The following NR1D2 variants were observed in gnomAD, a reference collection of about 807,000 sequenced individuals.
NR1D2 encodes the protein nuclear receptor subfamily 1 group D member 2, also known as V-erbA-related protein 1-related.
In NR1D2, 25 loss-of-function variants were observed where a neutral mutation model predicts 52.2. The ratio of observed to expected loss-of-function variants is 0.48; its 90% CI spans 0.35 to 0.67. The LOEUF (loss-of-function observed/expected upper bound fraction) is 0.67. Among genes scored for constraint, NR1D2 ranks in the 30% least tolerant of loss-of-function variants. The pLI, the probability that NR1D2 is intolerant of heterozygous loss-of-function variation, is 0.01. For missense variants in NR1D2, 681 were observed against 707.2 expected (o/e 0.96, Z 0.42); for synonymous variants, 259 against 230.1 (o/e 1.13, Z -1.14).
At position 23,971,301 on chromosome 3, in the gene NR1D2, C is replaced by CCAT. The variant is rs201185985; in HGVS notation, c.1543+3278_1543+3279insCAT. On this transcript the variant is annotated intron_variant, in intron 7 of 7. Coordinates refer to ENST00000312521, the MANE Select transcript of NR1D2 (RefSeq NM_005126.5). The stretch of plus-strand genomic sequence containing the variant: ...GAATATAATGCTTATATCTCTATAC[C>CCAT]TATTTTTTTTTTTTTTTTTTTTGAG... Among the ~76,000 whole-genome samples, 189 of 110,870 alleles carry CCAT rather than the reference C, an allele frequency of 1.7e-3. 34 individuals are homozygous for CCAT. Among genetic ancestry groups the CCAT allele is most frequent in the Admixed American group, 1.6e-3 (15 of 9,134 alleles). The allele number at this position is 110,870 out of a possible 152,430, so 72.7% of individuals were successfully genotyped here.
chr3:23,965,033 C>G lies in NR1D2; in HGVS notation c.1203C>G (p.Ile401Met). The G allele has an allele frequency of 6.2e-7, 1 of 1,613,808 alleles. No homozygotes were observed. Among genetic ancestry groups the G allele is most frequent in the Non-Finnish European group, 8.5e-7 (1 of 1,179,862 alleles). The change falls in exon 6 of 8, where the codon ATC becomes ATG. Residue 401 changes from isoleucine to methionine, a missense_variant. Transcript: ENST00000312521. ...ATCCTCATAAATCAGGACATGAAAT[C>G]TGGGAAGAATTTTCGATGAGCTTCA... ...YVDPHKSGHEIWEEFSMSFTP... is the reference protein window; with the variant it reads ...YVDPHKSGHEMWEEFSMSFTP...
intron 7 of NR1D2, 69 bp downstream of exon 7, chr3:23,968,092 T>G (rs1706498524): frequency 1.6e-6 from 2 of 1,237,096 alleles, no homozygotes; most frequent in African/African-American, 3.0e-5. Context: ...AGATGGCAGT[T>G]AACAGGGTTC....
At position 23,962,540 on chromosome 3, in the gene NR1D2, G is replaced by A. The variant is rs759105289; in HGVS notation, c.1081G>A (p.Asp361Asn). Reference protein sequence around the residue: ...TQRVCDRVPIDGFSQNENKNS... With the variant: ...TQRVCDRVPINGFSQNENKNS... ...AAGAGTATGTGATAGAGTTCCGATAGATGGATTTTCTCAGAATGAGAACAA... is the reference window on the plus strand; with the variant it reads ...AAGAGTATGTGATAGAGTTCCGATAAATGGATTTTCTCAGAATGAGAACAA... The change falls in exon 5 of 8, where the codon GAT (aspartate) becomes AAT (asparagine). Residue 361 changes from aspartate (D) to asparagine (N), a missense_variant. By Grantham distance (23) the Asp-to-Asn change is conservative. Transcript: ENST00000312521. 2.6e-5 allele frequency: 42 copies of A among 1,613,588 alleles called. No individual in the cohort carries two copies. The highest frequency in any genetic ancestry group is 3.5e-5 in the Non-Finnish European group (41 of 1,179,670).
chr3:23,954,666 C>G lies in NR1D2; in HGVS notation c.146C>G (p.Ser49Cys). The G allele has an allele frequency of 6.2e-7, 1 of 1,614,126 alleles. No individual in the cohort carries two copies. The highest frequency in any genetic ancestry group is 8.5e-7 in the Non-Finnish European group (1 of 1,180,000). ...SVPSSPNSSN[S>C]DTNGNPKNGD... Reference sequence around the variant, plus strand: ...CCATCTTCTCCAAATAGCTCTAATTCTGATACCAATGGTAATCCCAAGAAT... The same window carrying G: ...CCATCTTCTCCAAATAGCTCTAATTGTGATACCAATGGTAATCCCAAGAAT... Residue 49 changes from serine to cysteine, a missense_variant, in exon 2 of 8, where the codon TCT becomes TGT. By Grantham distance (112) the Ser-to-Cys change is moderately radical. Coordinates refer to ENST00000312521, the MANE Select transcript of NR1D2 (RefSeq NM_005126.5).
rs369955272 is a variant in NR1D2 at position 23,945,511 on chromosome 3, A to AGGCGGCGGC, written c.-60_-52dup. On this transcript the variant is annotated 5_prime_UTR_variant, in exon 1 of 8. Transcript: ENST00000312521. ...TCCAGCCCGGGGCGGCGCGGCGCTG[A>AGGCGGCGGC]GGCGGCGGCGGCGGCGCTGCCCCCT... The AGGCGGCGGC allele has an allele frequency of 2.8e-5, 26 of 931,950 alleles. No individual in the cohort carries two copies. The highest frequency in any genetic ancestry group is 3.3e-5 in the Non-Finnish European group (25 of 748,262). 57.7% of individuals were successfully genotyped at this position (931,950 alleles called of 1,614,324 possible). A position where few individuals can be genotyped will look rare whatever the true frequency, so the allele number is the denominator to read the frequency against.
intron 7 of NR1D2, among the ~76,000 whole-genome samples, chr3:23,971,706 C>CTTTAG (rs1706595527): frequency 1.0e-4 from 1 of 9,964 alleles, no homozygotes; most frequent in South Asian, 5.0e-3. Context: ...AGTTTTTGAC[C>CTTTAG]TTATACATAA....
chr3:23,971,673 G>C (rs1051980833), intron 7 of NR1D2, among the ~76,000 whole-genome samples: 1 of 148,860 alleles, frequency 6.7e-6, no homozygotes, highest in South Asian at 2.2e-4. Context: ...TAATGGTTTT[G>C]TTGGTAATTT....
rs181817213 is a variant in NR1D2, at chr3:23,976,985, A to G, written c.1544-238A>G. ...ATGTTCTTGTGAATAAAAATTCTTAACAGTAAAGAATTTTGATTGATCAAA... is the reference window on the plus strand; with the variant it reads ...ATGTTCTTGTGAATAAAAATTCTTAGCAGTAAAGAATTTTGATTGATCAAA... On this transcript the variant is annotated intron_variant, in intron 7 of 7. Transcript: ENST00000312521. Among the ~76,000 whole-genome samples, 931 of 141,916 alleles carry G rather than the reference A, an allele frequency of 6.6e-3. 7 individuals are homozygous for G. Among genetic ancestry groups the G allele is most frequent in the Non-Finnish European group, 8.3e-3 (546 of 65,532 alleles). 93.1% of individuals were successfully genotyped at this position (141,916 alleles called of 152,430 possible). A position where few individuals can be genotyped will look rare whatever the true frequency, so the allele number is the denominator to read the frequency against.
At chr3:23,971,763 G>T (rs1266264864) in intron 7 of NR1D2, among the ~76,000 whole-genome samples, 2 of 140,650 alleles carry the variant, frequency 1.4e-5, no homozygotes, top group Non-Finnish European at 3.1e-5. Flanking sequence ...TTCAAAGACA[G>T]TTTTTTCTTT....
chr3:23,945,532 C>A lies in NR1D2; in HGVS notation c.-47C>A. 1 of 1,074,056 alleles carries A rather than the reference C, an allele frequency of 9.3e-7. No homozygotes were observed. The highest frequency in any genetic ancestry group is 4.5e-5 in the East Asian group (1 of 22,334). The allele number at this position is 1,074,056 out of a possible 1,614,324, so 66.5% of individuals were successfully genotyped here. ...GCTGAGGCGGCGGCGGCGGCGCTGC[C>A]CCCTCTGCGGGAAGCGGGCGGCCCC... is the stretch of plus-strand genomic sequence containing the variant. On this transcript the variant is annotated 5_prime_UTR_variant, in exon 1 of 8. Transcript: ENST00000312521.
In NR1D2 at chr3:23,978,183, C is replaced by T. The variant is rs1200909349; in HGVS notation, c.*764C>T. 6.6e-6 allele frequency: 1 copy of T among 152,128 alleles called. No homozygotes were observed. The highest frequency in any genetic ancestry group is 1.5e-5 in the Non-Finnish European group (1 of 68,028). The allele number at this position is 152,128 out of a possible 1,614,324, so 9.4% of individuals were successfully genotyped here. On this transcript the variant is annotated 3_prime_UTR_variant, in exon 8 of 8. Transcript: ENST00000312521. ...ATATGTGTGGGGTATCCTACTGATA[C>T]ACACGTATTCAAAGTTTATGGGTAC... is the stretch of plus-strand genomic sequence containing the variant.
At chr3:23,946,049 G>A (rs969798533) in intron 1 of NR1D2, 14 of 964,546 alleles carry the variant, frequency 1.5e-5, no homozygotes, top group Non-Finnish European at 1.7e-5. Flanking sequence ...GCGCGCGCTG[G>A]CTGGGAGCGC....
In NR1D2 at chr3:23,963,275, A is replaced by T. The variant is rs551290781; in HGVS notation, c.1146+670A>T. 31 of 1,351,814 alleles carry T rather than the reference A, an allele frequency of 2.3e-5. No individual in the cohort carries two copies. The South Asian group carries it at 2.8e-4, about 12-fold the overall frequency. 83.7% of individuals were successfully genotyped at this position (1,351,814 alleles called of 1,614,324 possible). A position where few individuals can be genotyped will look rare whatever the true frequency, so the allele number is the denominator to read the frequency against. On this transcript the variant is annotated intron_variant, in intron 5 of 7. Transcript: ENST00000312521. ...TCACCAAAAACAGCAGTACCACACC[A>T]TTTCCAGTTTAAACCATGAAGTCCT... is the stretch of plus-strand genomic sequence containing the variant.
chr3:23,962,184 C>T lies in NR1D2; in HGVS notation c.725C>T (p.Ser242Phe), dbSNP rs761524333. 1.5e-4 allele frequency: 248 copies of T among 1,613,928 alleles called. No homozygotes were observed. The highest frequency in any genetic ancestry group is 2.0e-4 in the Non-Finnish European group (240 of 1,179,932). The change falls in exon 5 of 8, where the codon TCT (serine) becomes TTT (phenylalanine). Residue 242 changes from serine (S) to phenylalanine (F), a missense_variant. This residue lies in a region of NR1D2 where 475 missense variants were observed against 454.5 expected (regional missense o/e 1.05). Transcript: ENST00000312521. ...QLEQENIKSS[S>F]PPSSDFAKEE... is the part of the protein sequence containing the mutation. ...GAGCAAGAAAACATCAAAAGCTCTT[C>T]TCCTCCATCTTCTGATTTTGCAAAG...
chr3:23,954,124 CT>C (rs1706019454), intron 1 of NR1D2, among the ~76,000 whole-genome samples: 1 of 152,230 alleles, frequency 6.6e-6, no homozygotes, highest in Non-Finnish European at 1.5e-5. Flanking sequence ...CTTTAGCCTT[CT>C]GAATAGCTGG....
chr3:23,955,900 T>A (rs1706070298), intron 2 of NR1D2, 137 bp from the exon 3 acceptor site: 1 of 580,220 alleles, frequency 1.7e-6, no homozygotes, highest in Non-Finnish European at 3.1e-6. Context: ...TTGAAAATAT[T>A]TTTCTTTTAC....
At chr3:23,953,967 G>A (rs1706015152) in intron 1 of NR1D2, among the ~76,000 whole-genome samples, 1 of 152,148 alleles carries the variant, frequency 6.6e-6, no homozygotes, top group African/African-American at 2.4e-5. Flanking sequence ...ATCTCCATGT[G>A]CTCAGAATAT....
chr3:23,975,165 G>C (rs746633252), intron 7 of NR1D2, among the ~76,000 whole-genome samples: 13 of 151,956 alleles, frequency 8.6e-5, no homozygotes, highest in Admixed American at 8.5e-4. Flanking sequence ...CTGTCACCCA[G>C]ACTGGAGTGC....
Position 23,964,167 on chromosome 3 carries a change from C to T in NR1D2, c.1147-810C>T, listed in dbSNP as rs571372376. ...GATCTCGGCTCACTGCAACCTCCGC[C>T]TCCCGGTTCAAGTGATTCTTCTGCC... On this transcript the variant is annotated intron_variant, in intron 5 of 7. Coordinates refer to ENST00000312521, the MANE Select transcript of NR1D2 (RefSeq NM_005126.5). Among the ~76,000 whole-genome samples the T allele has an allele frequency of 2.1e-3, 317 of 151,856 alleles. 1 individual carries two copies. Among genetic ancestry groups the T allele is most frequent in the African/African-American group, 7.1e-3 (295 of 41,416 alleles).
Sources: allele counts gnomAD v4.1 joint callset (sites outside exome capture counted in the v4.1 genomes callset), GRCh38; gene constraint gnomAD v4.1.1; regional missense constraint gnomAD v4.1.1; transcripts MANE v1.5; gene names NCBI Gene and HGNC (gene_info 2026-07-23, HGNC 2026-07-21).